EXTL3: variants seen among roughly 807,000 people sequenced by gnomAD.
The protein encoded by EXTL3 is exostosin like glycosyltransferase 3, also known as exostosin-like 3.
A neutral mutation model predicts 69.3 loss-of-function variants in EXTL3; 27 were observed. That is an observed-to-expected ratio of 0.39 (90% CI 0.29 to 0.54). The LOEUF (loss-of-function observed/expected upper bound fraction) is 0.54, where lower values mean the gene tolerates loss of function less well. EXTL3 is among the 20% of genes least tolerant of loss of function. The probability of loss-of-function intolerance (pLI) is 0.69; values close to 1 mark genes in which losing one functional copy is unlikely to be tolerated. For missense variants in EXTL3, 1,003 were observed against 1,231.8 expected (o/e 0.81, Z 2.78); for synonymous variants, 511 against 499.4 (o/e 1.02, Z -0.31).
intron 3 of EXTL3, among the ~76,000 whole-genome samples, chr8:28,729,292 C>CAAAAAAA (rs72487306): frequency 1.1e-3 from 78 of 74,020 alleles, no homozygotes; most frequent in African/African-American, 3.6e-3. Flanking sequence ...GACTCTATCT[C>CAAAAAAA]AAAAAAAAAA....
intron 1 of EXTL3, among the ~76,000 whole-genome samples, chr8:28,693,549 C>T (rs560294989): frequency 1.5e-4 from 23 of 152,206 alleles, no homozygotes; most frequent in African/African-American, 5.5e-4. Flanking sequence ...AATACTATGA[C>T]ATGAGGTAAT....
intron 1 of EXTL3, among the ~76,000 whole-genome samples, chr8:28,677,894 A>G (rs983463460): frequency 7.9e-5 from 12 of 152,232 alleles, no homozygotes; most frequent in Admixed American, 7.9e-4. Flanking sequence ...TACTGTTGGG[A>G]TTCTGAGAGG....
intron 1 of EXTL3, among the ~76,000 whole-genome samples, chr8:28,650,023 C>T (rs1055828527): frequency 2.0e-5 from 3 of 151,736 alleles, no homozygotes; most frequent in African/African-American, 7.3e-5. Flanking sequence ...TGGTGAAACC[C>T]CATCTCTACT....
intron 1 of EXTL3, among the ~76,000 whole-genome samples, chr8:28,681,716 C>T (rs966253774): frequency 4.6e-5 from 7 of 152,010 alleles, no homozygotes; most frequent in Non-Finnish European, 8.8e-5. Context: ...TTTGAGGAGT[C>T]TCCATACTGT....
chr8:28,644,348 T>C (rs1806794055), intron 1 of EXTL3, among the ~76,000 whole-genome samples: 1 of 152,194 alleles, frequency 6.6e-6, no homozygotes, highest in African/African-American at 2.4e-5. Flanking sequence ...TGAACATTAC[T>C]CTGGGTGTAT....
chr8:28,746,769 G>A (rs984411752), intron 6 of EXTL3, among the ~76,000 whole-genome samples: 2 of 152,034 alleles, frequency 1.3e-5, no homozygotes, highest in African/African-American at 2.4e-5. Flanking sequence ...TCTGCCTCCC[G>A]GGTTCAAGCG....
At chr8:28,699,004 C>CA (rs374752777), upstream of EXTL3, among the ~76,000 whole-genome samples, 363 of 151,970 alleles carry the variant, frequency 2.4e-3, 4 homozygotes, top group African/African-American at 8.6e-3. Context: ...AAAACAAAAA[C>CA]AAAAACAAAA....
chr8:28,719,048 A>G (rs1034675325), intron 3 of EXTL3, among the ~76,000 whole-genome samples: 5 of 152,164 alleles, frequency 3.3e-5, no homozygotes, highest in Non-Finnish European at 4.4e-5. Flanking sequence ...ACTGCCACCT[A>G]TTTAACCTGC....
At chr8:28,689,503 C>G (rs921779912) in intron 1 of EXTL3, among the ~76,000 whole-genome samples, 6 of 152,140 alleles carry the variant, frequency 3.9e-5, no homozygotes, top group African/African-American at 1.4e-4. Flanking sequence ...TCTCTTTTTC[C>G]ATACTTCAAA....
upstream of EXTL3, chr8:28,698,589 C>T (rs1307639056): frequency 1.3e-5 from 2 of 152,292 alleles, no homozygotes; most frequent in African/African-American, 4.8e-5. Context: ...TGGCTCACGC[C>T]TGTATCCTAG....
At chr8:28,725,333 G>A (rs530936554) in intron 3 of EXTL3, among the ~76,000 whole-genome samples, 157 of 152,156 alleles carry the variant, frequency 1.0e-3, no homozygotes, top group Non-Finnish European at 1.6e-3. Flanking sequence ...GCACCGTCAG[G>A]GAGCCCTGTG....
At chr8:28,682,454 T>G (rs1281686507) in intron 1 of EXTL3, among the ~76,000 whole-genome samples, 2 of 152,112 alleles carry the variant, frequency 1.3e-5, no homozygotes, top group African/African-American at 4.8e-5. Flanking sequence ...TTTTATTTTA[T>G]TTTTTTGAGA....
intron 1 of EXTL3, among the ~76,000 whole-genome samples, chr8:28,646,414 G>A (rs1806831980): frequency 6.6e-6 from 1 of 152,168 alleles, no homozygotes; most frequent in African/African-American, 2.4e-5. Context: ...TTTGTTTATG[G>A]TTGACATACT....
intron 1 of EXTL3, among the ~76,000 whole-genome samples, chr8:28,681,924 A>G (rs1273072214): frequency 6.6e-6 from 1 of 152,134 alleles, no homozygotes; most frequent in Non-Finnish European, 1.5e-5. Flanking sequence ...GTGGTGGCAC[A>G]TGCCTGTAGT....
chr8:28,743,788 A>C (rs1471905658), intron 6 of EXTL3, among the ~76,000 whole-genome samples: 1 of 152,190 alleles, frequency 6.6e-6, no homozygotes, highest in Non-Finnish European at 1.5e-5. Flanking sequence ...TACTTTGAGG[A>C]GTCTACAGTC....
intron 3 of EXTL3, among the ~76,000 whole-genome samples, chr8:28,720,230 A>G (rs1419979656): frequency 6.6e-6 from 1 of 152,254 alleles, no homozygotes; most frequent in African/African-American, 2.4e-5. Context: ...GAAAAAGGGC[A>G]CTACTGTGAT....
At chr8:28,714,978 A>G (rs911925232) in intron 2 of EXTL3, among the ~76,000 whole-genome samples, 1 of 152,264 alleles carries the variant, frequency 6.6e-6, no homozygotes, top group Non-Finnish European at 1.5e-5. Context: ...ATATTTTAAG[A>G]AAGAGCACAT....
At chr8:28,687,420 C>T (rs939112144) in intron 1 of EXTL3, among the ~76,000 whole-genome samples, 23 of 151,412 alleles carry the variant, frequency 1.5e-4, no homozygotes, top group African/African-American at 4.6e-4. Context: ...GAGCCGAGAT[C>T]ACACCACTGC....
chr8:28,728,420 G>A (rs1246279775), intron 3 of EXTL3, among the ~76,000 whole-genome samples: 1 of 152,176 alleles, frequency 6.6e-6, no homozygotes, highest in East Asian at 1.9e-4. Flanking sequence ...GATACCCTGG[G>A]CTGTACACTT....
Sources: gnomAD v4.1 joint callset for allele counts (sites outside exome capture counted in the v4.1 genomes callset) on GRCh38, gnomAD v4.1.1 for gene constraint, MANE v1.5 for transcripts, NCBI Gene and HGNC (gene_info 2026-07-23, HGNC 2026-07-21) for gene names.